The following FARP1 variants were observed in gnomAD, a reference collection of about 807,000 sequenced individuals.
The protein encoded by FARP1 is FERM, ARHGEF and pleckstrin domain-containing protein 1.
FARP1 carries 52 observed loss-of-function variants against 128.8 expected under a neutral mutation model. The observed-to-expected ratio is 0.40, with a 90% confidence interval of 0.32 to 0.51. The LOEUF (loss-of-function observed/expected upper bound fraction) is 0.51. FARP1 is among the 20% of genes least tolerant of loss of function. The pLI is 0.45. For synonymous variants in FARP1, 580 were observed against 551.8 expected (o/e 1.05, Z -0.72); for missense variants, 1,333 against 1,367.9 (o/e 0.97, Z 0.40).
intron 2 of FARP1, among the ~76,000 whole-genome samples, chr13:98,264,467 C>T (rs954595875): frequency 6.6e-6 from 1 of 152,198 alleles, no homozygotes; most frequent in Non-Finnish European, 1.5e-5. Context: ...CACTCAGGAG[C>T]TGCCTTGGTG....
At chr13:98,206,245 T>C (rs1880260413) in intron 1 of FARP1, among the ~76,000 whole-genome samples, 2 of 151,834 alleles carry the variant, frequency 1.3e-5, no homozygotes, top group African/African-American at 2.4e-5. Context: ...TATTCCCTTA[T>C]TTGCTGAAAC....
Position 98,213,222 on chromosome 13 carries a change from A to G in FARP1, c.-21A>G. The G allele has an allele frequency of 6.2e-7, 1 of 1,604,412 alleles. No individual in the cohort carries two copies. Among genetic ancestry groups the G allele is most frequent in the Non-Finnish European group, 8.5e-7 (1 of 1,176,048 alleles). On this transcript the variant is annotated splice_region_variant and 5_prime_UTR_variant, in exon 2 of 27. It adds an upstream start codon to the 5' untranslated region. Coordinates refer to ENST00000319562, the MANE Select transcript of FARP1 (RefSeq NM_005766.4). The stretch of plus-strand genomic sequence containing the variant: ...TTCTTTCTCACTGCTTCCTGCAGAT[A>G]TTCTCTAAGCCGCTTTCATCATGGG...
At chr13:98,185,340 G>A (rs1878790665) in intron 1 of FARP1, among the ~76,000 whole-genome samples, 1 of 152,146 alleles carries the variant, frequency 6.6e-6, no homozygotes, top group African/African-American at 2.4e-5. Flanking sequence ...GCTTAACAGG[G>A]CAAGTCAAGA....
At chr13:98,252,783 G>A (rs1346891461) in intron 2 of FARP1, among the ~76,000 whole-genome samples, 1 of 152,198 alleles carries the variant, frequency 6.6e-6, no homozygotes, top group Non-Finnish European at 1.5e-5. Context: ...CTTTAAGGAA[G>A]ATTATCTATT....
intron 2 of FARP1, chr13:98,244,811 T>G: frequency 5.3e-6 from 8 of 1,516,624 alleles, no homozygotes; most frequent in Non-Finnish European, 7.0e-6. Context: ...CAGTGCCCAA[T>G]AAGTGATTTT....
chr13:98,161,340 C>T lies in FARP1; in HGVS notation c.-24+17848C>T, dbSNP rs150279587. Among the ~76,000 whole-genome samples the T allele has an allele frequency of 6.5e-3, 983 of 151,032 alleles. 6 individuals carry two copies. The highest frequency in any genetic ancestry group is 0.018 in the African/African-American group (746 of 41,106). ...AAGCGATTCTCCTGCCTCAGCCTCC[C>T]GAGTAGCTGGGATTACAGGCGCGCA... On this transcript the variant is annotated intron_variant, in intron 1 of 26. Transcript: ENST00000319562.
rs572778363 is a variant in FARP1 at position 98,148,510 on chromosome 13, C to T, written c.-24+5018C>T. 2.2e-3 allele frequency among the ~76,000 whole-genome samples: 334 copies of T among 152,316 alleles called. 4 individuals are homozygous for T. Among genetic ancestry groups the T allele is most frequent in the African/African-American group, 6.7e-3 (277 of 41,568 alleles). On this transcript the variant is annotated intron_variant, in intron 1 of 26. Transcript: ENST00000319562. ...TATAGCCTTCTCATTTCTTAACCTGCGCCAAATTTGACATTCTAATTGTTT... is the reference window on the plus strand; with the variant it reads ...TATAGCCTTCTCATTTCTTAACCTGTGCCAAATTTGACATTCTAATTGTTT...
At chr13:98,153,657 G>A (rs1372234377) in intron 1 of FARP1, among the ~76,000 whole-genome samples, 1 of 149,596 alleles carries the variant, frequency 6.7e-6, no homozygotes, top group African/African-American at 2.5e-5. Flanking sequence ...TCCGACTCCC[G>A]GGTTCAAGTG....
At chr13:98,416,998 A>G (rs1891398743) in intron 16 of FARP1, among the ~76,000 whole-genome samples, 1 of 152,208 alleles carries the variant, frequency 6.6e-6, no homozygotes, top group African/African-American at 2.4e-5. Flanking sequence ...TGGGAGGACC[A>G]GACTGACTGA....
At chr13:98,171,272 A>C (rs1400166417) in intron 1 of FARP1, among the ~76,000 whole-genome samples, 1 of 152,162 alleles carries the variant, frequency 6.6e-6, no homozygotes, top group Non-Finnish European at 1.5e-5. Flanking sequence ...TGGGTAATAA[A>C]CTTCTTTGGG....
intron 23 of FARP1, 57 bp from the exon 24 acceptor site, chr13:98,440,613 C>A: frequency 1.3e-6 from 2 of 1,548,804 alleles, no homozygotes; most frequent in Non-Finnish European, 1.8e-6. Flanking sequence ...CAGAGTGTAT[C>A]AGGAAGGGGC....
chr13:98,398,214 T>C (rs1046318770), intron 13 of FARP1: 1 of 152,182 alleles, frequency 6.6e-6, no homozygotes, highest in African/African-American at 2.4e-5. Flanking sequence ...ATACAGACTT[T>C]TTTTGTTTTG....
chr13:98,260,956 T>C (rs1438253487), intron 2 of FARP1, among the ~76,000 whole-genome samples: 3 of 152,094 alleles, frequency 2.0e-5, no homozygotes, highest in Non-Finnish European at 4.4e-5. Flanking sequence ...GGAAGGGACA[T>C]TGGGAGACTT....
Position 98,176,783 on chromosome 13 carries a change from T to C in FARP1, c.-24+33291T>C, listed in dbSNP as rs1456169429. 6.2e-7 allele frequency: 1 copy of C among 1,613,700 alleles called. No homozygotes were observed. Among genetic ancestry groups the C allele is most frequent in the Non-Finnish European group, 8.5e-7 (1 of 1,180,022 alleles). ...TTGGGCTTCAGGTACCTCAGGTAGC[T>C]GTGGATTCCCCGGTAGATGTGGTCG... is the stretch of plus-strand genomic sequence containing the variant. On this transcript the variant is annotated intron_variant, in intron 1 of 26. Transcript: ENST00000319562. The surrounding 1 kb of genome is among the most constrained non-coding windows in gnomAD (Gnocchi z 6.2).
intron 13 of FARP1, chr13:98,400,925 G>A (rs1890735941): frequency 2.0e-5 from 3 of 151,780 alleles, no homozygotes; most frequent in Admixed American, 2.0e-4. Context: ...TTCCATTATT[G>A]GAACGCTAAG....
chr13:98,389,361 T>TATG (rs1810105114), intron 9 of FARP1: 2 of 152,996 alleles, frequency 1.3e-5, no homozygotes, highest in South Asian at 4.1e-4. Context: ...GTTTATATAA[T>TATG]ATGGCCACTT....
chr13:98,389,913 C>G (rs373669837), intron 9 of FARP1, 44 bp from the exon 10 acceptor site: 32 of 1,595,786 alleles, frequency 2.0e-5, no homozygotes, highest in Non-Finnish European at 2.7e-5. Flanking sequence ...AGTGGTGTAT[C>G]TATGGGTAAT....
intron 2 of FARP1, among the ~76,000 whole-genome samples, chr13:98,226,087 T>C (rs1881746787): frequency 6.6e-6 from 1 of 152,212 alleles, no homozygotes; most frequent in Admixed American, 6.5e-5. Context: ...AGCACTGCTA[T>C]AACAAAGTAC....
chr13:98,392,727 A>C (rs767597720), intron 11 of FARP1, among the ~76,000 whole-genome samples: 5 of 152,120 alleles, frequency 3.3e-5, no homozygotes, highest in Non-Finnish European at 5.9e-5. Flanking sequence ...TGCTGAAATA[A>C]ACCTGCTTCT....
Sources: allele counts gnomAD v4.1 joint callset (sites outside exome capture counted in the v4.1 genomes callset), GRCh38; gene constraint gnomAD v4.1.1; non-coding constraint Gnocchi (gnomAD v3.1); transcripts MANE v1.5; gene names NCBI Gene and HGNC (gene_info 2026-07-23, HGNC 2026-07-21).